The following PHF20L1 variants were observed in gnomAD, a reference collection of about 807,000 sequenced individuals.
PHF20L1 encodes the protein PHD finger protein 20-like protein 1.
PHF20L1 carries 44 observed loss-of-function variants against 125.5 expected under a neutral mutation model. The observed-to-expected ratio is 0.35, with a 90% CI of 0.28 to 0.45. The LOEUF is 0.45. Ranked by LOEUF, PHF20L1 falls within the 20% of genes least tolerant of loss-of-function variation. The pLI, the probability that PHF20L1 is intolerant of heterozygous loss-of-function variation, is 1.00. For missense variants in PHF20L1, 1,012 were observed against 1,217.2 expected (o/e 0.83, Z 2.51); for synonymous variants, 380 against 403.1 (o/e 0.94, Z 0.69).
At chr8:132,802,989 A>C (rs990390983) in intron 6 of PHF20L1, among the ~76,000 whole-genome samples, 9 of 151,834 alleles carry the variant, frequency 5.9e-5, no homozygotes, top group Non-Finnish European at 1.2e-4. Flanking sequence ...TTTTATTGTG[A>C]AAATTAAAAT....
At chr8:132,804,196 C>G (rs1347634231) in intron 7 of PHF20L1, among the ~76,000 whole-genome samples, 164 bp downstream of exon 7, 1 of 151,818 alleles carries the variant, frequency 6.6e-6, no homozygotes, top group African/African-American at 2.4e-5. Flanking sequence ...ACAGTTAGAC[C>G]TGAAACTTAA....
In PHF20L1 at chr8:132,800,906, A is replaced by G. The variant is rs1252522810; in HGVS notation, c.507+1734A>G. On this transcript the variant is annotated intron_variant, in intron 6 of 20. Transcript: ENST00000395386. ...ACTGGGAAAGAAGGTAATGGTAGAC[A>G]TGTTATCAGCCCAAAATAAGATCCC... 2.0e-5 allele frequency among the ~76,000 whole-genome samples: 3 copies of G among 151,576 alleles called. No homozygotes were observed. The Admixed American group carries it at 2.0e-4, about 10-fold the overall frequency.
chr8:132,816,061 T>G (rs1834945267), intron 10 of PHF20L1: 1 of 151,914 alleles, frequency 6.6e-6, no homozygotes, highest in South Asian at 2.1e-4. Context: ...CATCAATGTC[T>G]TTAGACTGTT....
intron 9 of PHF20L1, among the ~76,000 whole-genome samples, chr8:132,814,070 G>A (rs1157622627): frequency 6.6e-6 from 1 of 151,122 alleles, no homozygotes; most frequent in East Asian, 1.9e-4. Context: ...GATGCATTGT[G>A]CTTATGAAAC....
intron 9 of PHF20L1, chr8:132,812,391 G>C (rs1262059590): frequency 1.0e-6 from 1 of 984,920 alleles, no homozygotes; most frequent in Non-Finnish European, 1.2e-6. Flanking sequence ...ATTAAATGTG[G>C]AAGTTAGTGT....
At chr8:132,826,399 A>C (rs1015165347) in intron 14 of PHF20L1, 1 of 152,118 alleles carries the variant, frequency 6.6e-6, no homozygotes, top group South Asian at 2.1e-4. Context: ...TGGCCTAAAA[A>C]CCCGTGAGGA....
chr8:132,786,233 C>T lies in PHF20L1; in HGVS notation c.84-8177C>T, dbSNP rs1831007369. Among the ~76,000 whole-genome samples, 3 of 152,014 alleles carry T rather than the reference C, an allele frequency of 2.0e-5. No individual in the cohort carries two copies. In the South Asian group the frequency reaches 6.2e-4, roughly 32 times the overall value. On this transcript the variant is annotated intron_variant, in intron 2 of 20. Transcript: ENST00000395386. ...TTCAAACGTGATGAAAGTTAAGCTACTTTCTTTACTCCAATTATTTAATTT... is the reference window on the plus strand; with the variant it reads ...TTCAAACGTGATGAAAGTTAAGCTATTTTCTTTACTCCAATTATTTAATTT...
chr8:132,819,088 C>G (rs1043932996), intron 12 of PHF20L1: 3 of 151,898 alleles, frequency 2.0e-5, no homozygotes, highest in Non-Finnish European at 2.9e-5. Context: ...TTAACTTCCT[C>G]TTTTCAGAAT....
At chr8:132,777,739 C>T (rs1719377565) in intron 1 of PHF20L1, 53 bp from the exon 2 acceptor site, 1 of 806,542 alleles carries the variant, frequency 1.2e-6, no homozygotes, top group Non-Finnish European at 2.2e-6. Context: ...CCCTTATACT[C>T]TACTTCCTAT....
At chr8:132,825,215 C>CTA (rs1836036323) in intron 13 of PHF20L1, 49 bp from the exon 14 acceptor site, 1 of 1,587,394 alleles carries the variant, frequency 6.3e-7, no homozygotes, top group Admixed American at 1.7e-5. Context: ...CACAAAGGAA[C>CTA]AACTCAGGAT....
rs775674322 is a variant in PHF20L1, at chr8:132,837,784, A to C, written c.2164A>C (p.Ile722Leu). The change falls in exon 17 of 21, where the codon ATC becomes CTC. Residue 722 changes from isoleucine to leucine, a missense_variant. Physicochemically the swap from Ile to Leu is conservative, Grantham distance 5. Coordinates refer to ENST00000395386, the MANE Select transcript of PHF20L1 (RefSeq NM_016018.5). Reference sequence around the variant, plus strand: ...GGAGGAGAGCATTCCAGAGCAGTACATCTGCTATATCTGCCGGGACCCACC... The same window carrying C: ...GGAGGAGAGCATTCCAGAGCAGTACCTCTGCTATATCTGCCGGGACCCACC... ...LLEESIPEQY[I>L]CYICRDPPGQ... The C allele has an allele frequency of 4.3e-6, 7 of 1,612,396 alleles. No individual in the cohort carries two copies. Among genetic ancestry groups the C allele is most frequent in the Non-Finnish European group, 5.9e-6 (7 of 1,178,820 alleles).
chr8:132,813,719 T>TG lies in PHF20L1; in HGVS notation c.931-917dup, dbSNP rs1834639396. 2.6e-5 allele frequency among the ~76,000 whole-genome samples: 4 copies of TG among 152,134 alleles called. No homozygotes were observed. The South Asian group carries it at 8.3e-4, about 32-fold the overall frequency. On this transcript the variant is annotated intron_variant, in intron 9 of 20. Transcript: ENST00000395386. ...GTATATCAGAAAGAGATAGAAGTATTGCAGAACCATAGATTGCAAATTCAT... is the reference window on the plus strand; with the variant it reads ...GTATATCAGAAAGAGATAGAAGTATTGGCAGAACCATAGATTGCAAATTCAT...
At chr8:132,795,449 C>A (rs1328751785) in intron 4 of PHF20L1, among the ~76,000 whole-genome samples, 1 of 152,024 alleles carries the variant, frequency 6.6e-6, no homozygotes, top group African/African-American at 2.4e-5. Flanking sequence ...ACTGGGAAAT[C>A]TATTGGACAG....
chr8:132,786,500 A>T, intron 2 of PHF20L1, among the ~76,000 whole-genome samples: 1 of 152,192 alleles, frequency 6.6e-6, no homozygotes, highest in South Asian at 2.1e-4. Context: ...TGATTTTTGT[A>T]TTGTTTTATC....
intron 12 of PHF20L1, chr8:132,818,950 T>C (rs984695174): frequency 6.6e-6 from 1 of 151,916 alleles, no homozygotes; most frequent in Non-Finnish European, 1.5e-5. Flanking sequence ...TATTGAAATA[T>C]AGGCCAATAT....
intron 14 of PHF20L1, among the ~76,000 whole-genome samples, chr8:132,831,580 G>C (rs1343578774): frequency 6.6e-6 from 1 of 151,994 alleles, no homozygotes; most frequent in Admixed American, 6.6e-5. Flanking sequence ...GACATCAGGA[G>C]AACCTCTTTA....
intron 11 of PHF20L1, 28 bp downstream of exon 11, chr8:132,817,104 C>G: frequency 3.0e-6 from 4 of 1,352,082 alleles, no homozygotes; most frequent in Non-Finnish European, 4.0e-6. Flanking sequence ...CCTATAGAAC[C>G]AAACATAAAA....
Position 132,845,905 on chromosome 8 carries a change from A to G in PHF20L1, c.3036A>G (p.Ala1012=). The change falls in exon 21 of 21, where the codon GCA becomes GCG. Residue 1012 remains alanine, a synonymous_variant. Transcript: ENST00000395386. ...LIDMGKVQQI[A]TLCSV is the part of the protein sequence containing the mutation. Reference sequence around the variant, plus strand: ...ACATGGGCAAAGTACAGCAGATAGCAACTCTTTGCTCTGTATGACAACAGT... The same window carrying G: ...ACATGGGCAAAGTACAGCAGATAGCGACTCTTTGCTCTGTATGACAACAGT... 6.2e-7 allele frequency: 1 copy of G among 1,612,114 alleles called. No homozygotes were observed.
intron 8 of PHF20L1, among the ~76,000 whole-genome samples, chr8:132,806,121 C>T (rs1833664265): frequency 6.6e-6 from 1 of 151,820 alleles, no homozygotes; most frequent in Admixed American, 6.6e-5. Flanking sequence ...GGAGATGACA[C>T]TGACATGATA....
Sources: gnomAD v4.1 joint callset for allele counts (sites outside exome capture counted in the v4.1 genomes callset) on GRCh38, gnomAD v4.1.1 for gene constraint, MANE v1.5 for transcripts, NCBI Gene and HGNC (gene_info 2026-07-23, HGNC 2026-07-21) for gene names.